ERCC6: variants seen among roughly 807,000 people sequenced by gnomAD.
ERCC6 encodes DNA excision repair protein ERCC-6.
Under a neutral mutation model 158.7 loss-of-function variants are expected in ERCC6, and 116 were observed. The observed-to-expected ratio is 0.73, with a 90% CI of 0.63 to 0.85. ERCC6 has a LOEUF of 0.85. Among genes scored for constraint, ERCC6 ranks in the 40% least tolerant of loss-of-function variants. The probability of loss-of-function intolerance (pLI) is 0.00; values close to 1 mark genes in which losing one functional copy is unlikely to be tolerated. For synonymous variants in ERCC6, 678 were observed against 659.3 expected (o/e 1.03, Z -0.43); for missense variants, 1,698 against 1,799.4 (o/e 0.94, Z 1.02).
Position 49,527,549 on chromosome 10 carries a change from G to A in ERCC6, c.652+868C>T, listed in dbSNP as rs910705449. On this transcript the variant is annotated intron_variant, in intron 4 of 20. Coordinates refer to ENST00000355832, the MANE Select transcript of ERCC6 (RefSeq NM_000124.4). ...AAATTAGCTGGGCATGGTGGTATGCGCCTGTAATCCAGCTACTTGGGAGGC... is the reference window on the plus strand; with the variant it reads ...AAATTAGCTGGGCATGGTGGTATGCACCTGTAATCCAGCTACTTGGGAGGC... 3.3e-5 allele frequency among the ~76,000 whole-genome samples: 5 copies of A among 152,124 alleles called. No individual in the cohort carries two copies. The South Asian group carries it at 8.3e-4, about 25-fold the overall frequency.
chr10:49,533,101 A>G, intron 1 of ERCC6, 123 bp from the exon 2 acceptor site: 1 of 1,210,916 alleles, frequency 8.3e-7, no homozygotes, highest in Non-Finnish European at 1.1e-6. Flanking sequence ...AACTACATAA[A>G]TTCAAGTTTC....
At position 49,472,896 on chromosome 10, in the gene ERCC6, A is replaced by C. The variant is rs528710619; in HGVS notation, c.2829+13T>G. Reference sequence around the variant, plus strand: ...TACTAATACATTCTTTTAAAAAAAAAATAAAAACAAACCTGCGTGTCCGTG... The same window carrying C: ...TACTAATACATTCTTTTAAAAAAAACATAAAAACAAACCTGCGTGTCCGTG... On this transcript the variant is annotated intron_variant, in intron 15 of 20. Transcript: ENST00000355832. 6.2e-7 allele frequency: 1 copy of C among 1,611,444 alleles called. No homozygotes were observed. The highest frequency in any genetic ancestry group is 8.5e-7 in the Non-Finnish European group (1 of 1,178,818).
At chr10:49,528,644 T>C in intron 3 of ERCC6, 119 bp from the exon 4 acceptor site, 1 of 1,286,708 alleles carries the variant, frequency 7.8e-7, no homozygotes, top group Admixed American at 2.1e-5. Context: ...TAATATACAT[T>C]ACATAAAAAT....
chr10:49,521,324 T>C (rs1453144334), intron 5 of ERCC6, among the ~76,000 whole-genome samples: 1 of 152,234 alleles, frequency 6.6e-6, no homozygotes. Flanking sequence ...AGGGCTGTCT[T>C]GGCTGCACAG....
chr10:49,473,184 T>C (rs1335634542), intron 14 of ERCC6, among the ~76,000 whole-genome samples, 156 bp from the exon 15 acceptor site: 1 of 152,262 alleles, frequency 6.6e-6, no homozygotes, highest in Non-Finnish European at 1.5e-5. Context: ...AAAATCTCAT[T>C]TCACAGCTTT....
chr10:49,462,815 C>T (rs1203228855), intron 18 of ERCC6, among the ~76,000 whole-genome samples: 1 of 152,166 alleles, frequency 6.6e-6, no homozygotes, highest in Non-Finnish European at 1.5e-5. Context: ...AAAAGTGTAA[C>T]ACCACACTCT....
chr10:49,512,396 G>A (rs888506043), intron 5 of ERCC6, among the ~76,000 whole-genome samples: 1 of 152,166 alleles, frequency 6.6e-6, no homozygotes, highest in Admixed American at 6.5e-5. Context: ...ATGTTGCACG[G>A]TTTGTCCCCT....
rs975395764 is a variant in ERCC6, at chr10:49,454,491, G to T, written c.*4324C>A. Among the ~76,000 whole-genome samples, 1 of 152,146 alleles carries T rather than the reference G, an allele frequency of 6.6e-6. No individual in the cohort carries two copies. The highest frequency in any genetic ancestry group is 2.4e-5 in the African/African-American group (1 of 41,426). ...AAGATTTGGATTTTCTTGAATAAGC[G>T]TTACTTTATTCTACATGCTTTTAGG... is the stretch of plus-strand genomic sequence containing the variant. On this transcript the variant is annotated 3_prime_UTR_variant, in exon 21 of 21. Transcript: ENST00000355832.
At chr10:49,461,324 G>C (rs1850577767) in intron 19 of ERCC6, 28 bp downstream of exon 19, 11 of 1,605,358 alleles carry the variant, frequency 6.9e-6, no homozygotes, top group Non-Finnish European at 9.4e-6. Context: ...TGGACTCCTT[G>C]CAAGTATGGC....
intron 5 of ERCC6, among the ~76,000 whole-genome samples, chr10:49,511,414 ATCT>A (rs545540128): frequency 1.8e-3 from 254 of 137,578 alleles, no homozygotes; most frequent in African/African-American, 6.4e-3. Context: ...TGTGTTGTTC[ATCT>A]TCTTTTTTAC....
At chr10:49,451,102 T>C (rs1850415596), downstream of ERCC6, among the ~76,000 whole-genome samples, 1 of 151,814 alleles carries the variant, frequency 6.6e-6, no homozygotes, top group African/African-American at 2.4e-5. Flanking sequence ...TGAGCCACCA[T>C]GCCCGGCCCA....
intron 6 of ERCC6, chr10:49,502,830 T>C (rs1462697456): frequency 6.6e-6 from 1 of 152,154 alleles, no homozygotes; most frequent in Non-Finnish European, 1.5e-5. Context: ...AACAAATTAT[T>C]TAGCCCTAAG....
intron 7 of ERCC6, among the ~76,000 whole-genome samples, chr10:49,498,962 AC>A (rs1487482975): frequency 6.6e-6 from 1 of 152,214 alleles, no homozygotes; most frequent in Non-Finnish European, 1.5e-5. Flanking sequence ...TACCAAAAAC[AC>A]CCAACAGAGT....
intron 8 of ERCC6, among the ~76,000 whole-genome samples, chr10:49,490,136 C>A (rs902270207): frequency 2.6e-5 from 4 of 152,134 alleles, no homozygotes; most frequent in African/African-American, 7.2e-5. Flanking sequence ...CAGATTTCAT[C>A]ATTTGGTTGA....
intron 5 of ERCC6, among the ~76,000 whole-genome samples, chr10:49,514,522 G>T (rs1836892662): frequency 6.6e-6 from 1 of 152,264 alleles, no homozygotes; most frequent in Admixed American, 6.5e-5. Context: ...ATTCAAAACA[G>T]ACCTTACTGC....
chr10:49,522,411 T>C (rs1837191810), intron 5 of ERCC6, among the ~76,000 whole-genome samples: 1 of 152,240 alleles, frequency 6.6e-6, no homozygotes, highest in Non-Finnish European at 1.5e-5. Flanking sequence ...ACTGTAGCTA[T>C]AAAATGTTAA....
the ERCC6 span, among the ~76,000 whole-genome samples, chr10:49,445,211 T>C: frequency 6.6e-6 from 1 of 152,202 alleles, no homozygotes; most frequent in Non-Finnish European, 1.5e-5. Context: ...TTAAAAGGTG[T>C]CAACCAGAAA....
At chr10:49,483,223 T>C in intron 9 of ERCC6, 123 bp downstream of exon 9, 1 of 1,058,412 alleles carries the variant, frequency 9.4e-7, no homozygotes, top group Non-Finnish European at 1.4e-6. Context: ...ATGCACATTT[T>C]AAATTTCTTG....
chr10:49,440,946 G>A, the ERCC6 span, among the ~76,000 whole-genome samples: 1 of 152,302 alleles, frequency 6.6e-6, no homozygotes, highest in Admixed American at 6.5e-5. Context: ...GGTATGAGAG[G>A]TGGCATGTTC....
Sources: allele counts gnomAD v4.1 joint callset (sites outside exome capture counted in the v4.1 genomes callset), GRCh38; gene constraint gnomAD v4.1.1; transcripts MANE v1.5; gene names NCBI Gene and HGNC (gene_info 2026-07-23, HGNC 2026-07-21).